The following ACSL3 variants were observed in gnomAD, a reference collection of about 807,000 sequenced individuals.
ACSL3 encodes the protein fatty acid CoA ligase Acsl3.
A neutral mutation model predicts 84.7 loss-of-function variants in ACSL3; 34 were observed. The ratio of observed to expected loss-of-function variants is 0.40; its 90% CI spans 0.31 to 0.53. The LOEUF (loss-of-function observed/expected upper bound fraction) is 0.53, where lower values mean the gene tolerates loss of function less well. ACSL3 is among the 20% of genes least tolerant of loss of function. The probability of loss-of-function intolerance (pLI) is 0.48; values close to 1 mark genes in which losing one functional copy is unlikely to be tolerated. For synonymous variants in ACSL3, 315 were observed against 299.4 expected (o/e 1.05, Z -0.54); for missense variants, 680 against 873.1 (o/e 0.78, Z 2.79).
intron 2 of ACSL3, among the ~76,000 whole-genome samples, chr2:222,895,172 T>C (rs1695942967): frequency 6.6e-6 from 1 of 152,178 alleles, no homozygotes; most frequent in African/African-American, 2.4e-5. Flanking sequence ...TAGATGACTA[T>C]TTTATACTTT....
At chr2:222,875,549 C>T (rs943227514) in intron 1 of ACSL3, among the ~76,000 whole-genome samples, 1 of 152,166 alleles carries the variant, frequency 6.6e-6, no homozygotes, top group Non-Finnish European at 1.5e-5. Context: ...GGAATAATTT[C>T]TGTAAATTTG....
At chr2:222,878,530 G>T (rs1301530323) in intron 1 of ACSL3, among the ~76,000 whole-genome samples, 1 of 152,064 alleles carries the variant, frequency 6.6e-6, no homozygotes, top group African/African-American at 2.4e-5. Context: ...TTTCTTGTTG[G>T]TTCTTCTGGC....
chr2:222,920,812 G>C (rs994642778), intron 7 of ACSL3: 4 of 350,406 alleles, frequency 1.1e-5, no homozygotes, highest in Non-Finnish European at 1.7e-5. Context: ...TCTTCCTCTT[G>C]CTCACTCTGT....
At chr2:222,934,040 C>G (rs753526283) in intron 15 of ACSL3, among the ~76,000 whole-genome samples, 16 of 152,052 alleles carry the variant, frequency 1.1e-4, no homozygotes, top group African/African-American at 3.6e-4. Context: ...TATTTGCCTT[C>G]GTTGGGCATA....
intron 2 of ACSL3, among the ~76,000 whole-genome samples, chr2:222,898,235 A>G (rs1696039876): frequency 6.6e-6 from 1 of 152,074 alleles, no homozygotes; most frequent in Admixed American, 6.6e-5. Context: ...TTTCCTGGAC[A>G]CTTGTTTTCC....
chr2:222,933,833 T>C (rs1697100340), intron 15 of ACSL3: 1 of 152,234 alleles, frequency 6.6e-6, no homozygotes, highest in Non-Finnish European at 1.5e-5. Context: ...TAAAATCTGT[T>C]ATCAGGAAAA....
chr2:222,943,728 C>T lies in ACSL3; in HGVS notation c.*2074C>T, dbSNP rs1697387223. 2 of 152,012 alleles carry T rather than the reference C, an allele frequency of 1.3e-5. No individual in the cohort carries two copies. Among genetic ancestry groups the T allele is most frequent in the African/African-American group, 2.4e-5 (1 of 41,420 alleles). The allele number at this position is 152,012 out of a possible 1,614,324, so 9.4% of individuals were successfully genotyped here. A position where few individuals can be genotyped will look rare whatever the true frequency, so the allele number is the denominator to read the frequency against. On this transcript the variant is annotated 3_prime_UTR_variant, in exon 17 of 17. Transcript: ENST00000357430. ...CCTTTTAAACAAATTTGTCTGTAAGCAAAACTATCTTTAGTGACTTAAAAA... is the reference window on the plus strand; with the variant it reads ...CCTTTTAAACAAATTTGTCTGTAAGTAAAACTATCTTTAGTGACTTAAAAA...
At chr2:222,938,557 CT>C (rs1295664585) in intron 16 of ACSL3, among the ~76,000 whole-genome samples, 1 of 152,110 alleles carries the variant, frequency 6.6e-6, no homozygotes. Context: ...TCATTTTTCT[CT>C]TGCTGCTTTC....
intron 1 of ACSL3, among the ~76,000 whole-genome samples, chr2:222,882,052 AC>A (rs558669810): frequency 6.6e-6 from 1 of 152,190 alleles, no homozygotes; most frequent in Non-Finnish European, 1.5e-5. Context: ...GTGGTATGTC[AC>A]GTTTTGGAAT....
Position 222,942,239 on chromosome 2 carries a change from T to C in ACSL3, c.*585T>C. 1 of 188,330 alleles carries C rather than the reference T, an allele frequency of 5.3e-6. No homozygotes were observed. The highest frequency in any genetic ancestry group is 1.1e-5 in the Non-Finnish European group (1 of 89,042). 11.7% of individuals were successfully genotyped at this position (188,330 alleles called of 1,614,324 possible). A position where few individuals can be genotyped will look rare whatever the true frequency, so the allele number is the denominator to read the frequency against. ...TTTTAAGAAGTTGAGATCTTGTGAATATATGCCTGTCAGTGTCTTCTTTAT... is the reference window on the plus strand; with the variant it reads ...TTTTAAGAAGTTGAGATCTTGTGAACATATGCCTGTCAGTGTCTTCTTTAT... On this transcript the variant is annotated 3_prime_UTR_variant, in exon 17 of 17. Coordinates refer to ENST00000357430, the MANE Select transcript of ACSL3 (RefSeq NM_004457.5).
Position 222,909,133 on chromosome 2 carries a change from G to T in ACSL3, c.361G>T (p.Gly121Ter). 6.3e-7 allele frequency: 1 copy of T among 1,593,878 alleles called. No individual in the cohort carries two copies. The highest frequency in any genetic ancestry group is 1.2e-5 in the South Asian group (1 of 86,100). ...LNEEDEVQPN[G>*]KIFKKVILGQ... The stretch of plus-strand genomic sequence containing the variant: ...TGAGGAAGATGAAGTACAACCAAAT[G>T]GAAAAATTTTTAAAAAGGTAAGATG... The change falls in exon 4 of 17, where the codon GGA becomes TGA. Residue 121 changes from glycine to a stop codon, truncating the protein, a stop_gained. Coordinates refer to ENST00000357430, the MANE Select transcript of ACSL3 (RefSeq NM_004457.5). LOFTEE classifies it high-confidence loss of function.
chr2:222,911,212 G>T (rs1366522137), intron 4 of ACSL3, among the ~76,000 whole-genome samples: 1 of 152,044 alleles, frequency 6.6e-6, no homozygotes, highest in African/African-American at 2.4e-5. Flanking sequence ...ACCACGTCCG[G>T]CTAATTTTGT....
chr2:222,875,370 C>CT (rs1475086159), intron 1 of ACSL3, among the ~76,000 whole-genome samples: 1 of 151,982 alleles, frequency 6.6e-6, no homozygotes, highest in Non-Finnish European at 1.5e-5. Context: ...AGGGAGGAAT[C>CT]TCATATCTAT....
intron 11 of ACSL3, among the ~76,000 whole-genome samples, chr2:222,926,666 A>G (rs1458115084): frequency 6.6e-6 from 1 of 152,172 alleles, no homozygotes; most frequent in African/African-American, 2.4e-5. Context: ...TACATTTCAT[A>G]AAGATGATAG....
chr2:222,919,033 A>G lies in ACSL3; in HGVS notation c.667-31A>G, dbSNP rs1574554853. On this transcript the variant is annotated intron_variant, in intron 6 of 16. Transcript: ENST00000357430. ...TATTCGCTAAGCTGCTTGAAAAATA[A>G]TGAACGTGATGAATGTTGGTGTATT... 5.0e-6 allele frequency: 8 copies of G among 1,608,398 alleles called. No individual in the cohort carries two copies. The East Asian group carries it at 1.6e-4, about 31-fold the overall frequency.
intron 1 of ACSL3, among the ~76,000 whole-genome samples, chr2:222,869,281 A>T (rs1401424740): frequency 2.0e-5 from 3 of 152,190 alleles, no homozygotes; most frequent in African/African-American, 7.2e-5. Flanking sequence ...AATTTCTGTA[A>T]CATAAAGATT....
At position 222,942,474 on chromosome 2, in the gene ACSL3, G is replaced by A. The variant is rs1311122718; in HGVS notation, c.*820G>A. The A allele has an allele frequency of 5.2e-6, 1 of 192,604 alleles. No homozygotes were observed. Among genetic ancestry groups the A allele is most frequent in the Non-Finnish European group, 1.1e-5 (1 of 92,184 alleles). The allele number at this position is 192,604 out of a possible 1,614,324, so 11.9% of individuals were successfully genotyped here. A position where few individuals can be genotyped will look rare whatever the true frequency, so the allele number is the denominator to read the frequency against. ...GGAAAATACCCAAACTTAAATGGAA[G>A]AATTCTGAAAGAGAGGATAGAATTT... is the stretch of plus-strand genomic sequence containing the variant. On this transcript the variant is annotated 3_prime_UTR_variant, in exon 17 of 17. Transcript: ENST00000357430.
intron 14 of ACSL3, among the ~76,000 whole-genome samples, chr2:222,932,500 C>T (rs561286729): frequency 3.9e-5 from 6 of 152,086 alleles, no homozygotes; most frequent in East Asian, 1.9e-4. Flanking sequence ...AGCTAGTTTT[C>T]GTATTTTTAG....
In ACSL3 at chr2:222,910,131, A is replaced by G. The variant is rs368536329; in HGVS notation, c.378+981A>G. Among the ~76,000 whole-genome samples the G allele has an allele frequency of 3.2e-4, 49 of 152,350 alleles. No individual in the cohort carries two copies. The East Asian group carries it at 7.5e-3, about 23-fold the overall frequency. On this transcript the variant is annotated intron_variant, in intron 4 of 16. Transcript: ENST00000357430. ...TAGCTTTTATTATTAGATTACTATT[A>G]TCTTGAGAATTCAATGAGGAAAATT...
Sources: allele counts gnomAD v4.1 joint callset (sites outside exome capture counted in the v4.1 genomes callset), GRCh38; gene constraint gnomAD v4.1.1; transcripts MANE v1.5; gene names NCBI Gene and HGNC (gene_info 2026-07-23, HGNC 2026-07-21).